The following SLC43A3 variants were observed in gnomAD, a reference collection of about 807,000 sequenced individuals.
The protein encoded by SLC43A3 is solute carrier family 43 member 3.
Under a neutral mutation model 53.3 loss-of-function variants are expected in SLC43A3, and 33 were observed. The observed-to-expected ratio is 0.62, with a 90% CI of 0.47 to 0.83. The LOEUF (loss-of-function observed/expected upper bound fraction) is 0.83. Among genes scored for constraint, SLC43A3 ranks in the 40% least tolerant of loss-of-function variants. SLC43A3 has a pLI of 0.00. For synonymous variants in SLC43A3, 236 were observed against 246.2 expected, an observed-to-expected ratio of 0.96 and a Z score of 0.39; for missense variants, 530 against 610.0, an observed-to-expected ratio of 0.87 and a Z score of 1.38.
In SLC43A3 at chr11:57,416,633, C is replaced by T; in HGVS notation, c.709G>A (p.Glu237Lys). 1 of 1,614,140 alleles carries T rather than the reference C, an allele frequency of 6.2e-7. No individual in the cohort carries two copies. Among genetic ancestry groups the T allele is most frequent in the East Asian group, 2.2e-5 (1 of 44,868 alleles). Reference sequence around the variant, plus strand: ...TCCCTGTTTTCATGCTCAGCTGTTTCCTTCTCTTCCTTTGTGGTGCCATTC... The same window carrying T: ...TCCCTGTTTTCATGCTCAGCTGTTTTCTTCTCTTCCTTTGTGGTGCCATTC... ...PGNGTTKEEK[E>K]TAEHENRELQ... is the part of the protein sequence containing the mutation. The change falls in exon 9 of 14, where the codon GAA (glutamate) becomes AAA (lysine). Residue 237 changes from glutamate to lysine, a missense_variant. Glu to Lys is a moderately conservative substitution (Grantham distance 56). Transcript: ENST00000395124.
intron 12 of SLC43A3, 62 bp from the exon 13 acceptor site, chr11:57,409,360 C>T: frequency 6.2e-7 from 1 of 1,601,104 alleles, no homozygotes; most frequent in Non-Finnish European, 8.5e-7. Flanking sequence ...AAGCAGAAGC[C>T]TGGCCTCTGG....
chr11:57,419,148 A>G (rs1590699880), intron 7 of SLC43A3, among the ~76,000 whole-genome samples: 1 of 152,048 alleles, frequency 6.6e-6, no homozygotes, highest in Admixed American at 6.5e-5. Flanking sequence ...GTGGCTCCCC[A>G]GAGATCTTCT....
At chr11:57,422,960 C>A (rs539658679) in intron 5 of SLC43A3, among the ~76,000 whole-genome samples, 1 of 152,324 alleles carries the variant, frequency 6.6e-6, no homozygotes, top group East Asian at 1.9e-4. Context: ...TTTAGCATAG[C>A]TTACACACAC....
intron 5 of SLC43A3, among the ~76,000 whole-genome samples, chr11:57,422,536 C>T (rs1177059193): frequency 1.3e-5 from 2 of 152,330 alleles, no homozygotes; most frequent in African/African-American, 4.8e-5. Context: ...CCTTAAGAAG[C>T]ACTGCCAAGA....
intron 7 of SLC43A3, among the ~76,000 whole-genome samples, chr11:57,419,074 G>C (rs1311619931): frequency 6.6e-6 from 1 of 151,912 alleles, no homozygotes; most frequent in Non-Finnish European, 1.5e-5. Flanking sequence ...CCCACCCCAA[G>C]ACACACCCGG....
intron 5 of SLC43A3, among the ~76,000 whole-genome samples, chr11:57,421,926 G>C (rs1401937358): frequency 6.6e-6 from 1 of 152,214 alleles, no homozygotes; most frequent in South Asian, 2.1e-4. Flanking sequence ...GCCAGGCATT[G>C]TGCTTGGCAC....
At chr11:57,427,015 C>A in intron 1 of SLC43A3, 47 bp downstream of exon 1, 1 of 152,398 alleles carries the variant, frequency 6.6e-6, no homozygotes, top group Non-Finnish European at 1.5e-5. Flanking sequence ...AGGGGCCAGG[C>A]CGCGCTCGGC....
rs371868005 is a variant in SLC43A3, at chr11:57,410,351, C to G, written c.1061-230G>C. On this transcript the variant is annotated intron_variant, in intron 11 of 13. Coordinates refer to ENST00000395124, the MANE Select transcript of SLC43A3 (RefSeq NM_199329.3). ...TTCAAATGTGCCCACTTCTCTCCAACCCCACTGACTCATCCTAGCTTTAAA... is the reference window on the plus strand; with the variant it reads ...TTCAAATGTGCCCACTTCTCTCCAAGCCCACTGACTCATCCTAGCTTTAAA... Among the ~76,000 whole-genome samples, 24 of 152,280 alleles carry G rather than the reference C, an allele frequency of 1.6e-4. No individual in the cohort carries two copies. The South Asian group carries it at 3.1e-3, about 20-fold the overall frequency.
At chr11:57,419,232 T>C (rs1163169019) in intron 7 of SLC43A3, among the ~76,000 whole-genome samples, 1 of 152,180 alleles carries the variant, frequency 6.6e-6, no homozygotes, top group Non-Finnish European at 1.5e-5. Flanking sequence ...AAAATTCATC[T>C]TACAAAACAC....
At chr11:57,423,914 C>T (rs1943093958) in intron 5 of SLC43A3, 68 bp downstream of exon 5, 2 of 1,442,752 alleles carry the variant, frequency 1.4e-6, no homozygotes, top group Non-Finnish European at 9.8e-7. Flanking sequence ...TAGCCCTCTG[C>T]TCACACCTGC....
chr11:57,410,006 G>T lies in SLC43A3; in HGVS notation c.1176C>A (p.Tyr392Ter), dbSNP rs758408697. 2.5e-6 allele frequency: 4 copies of T among 1,613,344 alleles called. No homozygotes were observed. The highest frequency in any genetic ancestry group is 2.5e-6 in the Non-Finnish European group (3 of 1,179,804). Reference protein sequence around the residue: ...CASVPILPLQYLTFILQVISR... With the variant: ...CASVPILPLQ ...TGATCACTTGCAGGATGAAGGTGAG[G>T]TACTGGAGAGGGAGGATGGGGACTG... Residue 392 changes from tyrosine (Y) to a stop codon, truncating the protein, a stop_gained, in exon 12 of 14, where the codon TAC becomes TAA. Transcript: ENST00000395124. LOFTEE classifies it high-confidence loss of function.
At chr11:57,419,678 C>T (rs1278687779) in intron 7 of SLC43A3, among the ~76,000 whole-genome samples, 2 of 152,028 alleles carry the variant, frequency 1.3e-5, no homozygotes, top group African/African-American at 4.8e-5. Context: ...CGCCTATAGT[C>T]CCAGCTACTC....
chr11:57,417,399 C>T (rs76483586), intron 8 of SLC43A3, among the ~76,000 whole-genome samples: 93 of 152,306 alleles, frequency 6.1e-4, no homozygotes, highest in African/African-American at 2.0e-3. Context: ...ATGACAGCCA[C>T]GTGACCCAGG....
In SLC43A3 at chr11:57,410,000, G is replaced by T; in HGVS notation, c.1182C>A (p.Thr394=). 6.2e-7 allele frequency: 1 copy of T among 1,613,348 alleles called. No homozygotes were observed. The highest frequency in any genetic ancestry group is 8.5e-7 in the Non-Finnish European group (1 of 1,179,806). The change falls in exon 12 of 14, where the codon ACC becomes ACA. Residue 394 remains threonine, a synonymous_variant. Coordinates refer to ENST00000395124, the MANE Select transcript of SLC43A3 (RefSeq NM_199329.3). ...SVPILPLQYL[T]FILQVISRSF... is the part of the protein sequence containing the mutation. ...AGCGGCTGATCACTTGCAGGATGAAGGTGAGGTACTGGAGAGGGAGGATGG... is the reference window on the plus strand; with the variant it reads ...AGCGGCTGATCACTTGCAGGATGAATGTGAGGTACTGGAGAGGGAGGATGG...
rs532779282 is a variant in SLC43A3 at position 57,419,496 on chromosome 11, C to T, written c.531+1476G>A. ...GTTCCTGCTCCCTTTCCCCTTCCAA[C>T]TCTAGAGAGACAGGAGAGAGGCTGG... On this transcript the variant is annotated intron_variant, in intron 7 of 13. Coordinates refer to ENST00000395124, the MANE Select transcript of SLC43A3 (RefSeq NM_199329.3). Among the ~76,000 whole-genome samples, 7 of 152,224 alleles carry T rather than the reference C, an allele frequency of 4.6e-5. No homozygotes were observed. In the South Asian group the frequency reaches 1.5e-3, roughly 32 times the overall value.
rs1297462083 is a variant in SLC43A3 at position 57,407,584 on chromosome 11, G to T, written c.*208C>A. On this transcript the variant is annotated 3_prime_UTR_variant, in exon 14 of 14. Coordinates refer to ENST00000395124, the MANE Select transcript of SLC43A3 (RefSeq NM_199329.3). ...AAATAAAGAAGTTCCACATGCCTTT[G>T]CTTTGAGTCTGTGTGATATCAATCT... The T allele has an allele frequency of 3.8e-6, 2 of 530,820 alleles. No individual in the cohort carries two copies. The highest frequency in any genetic ancestry group is 6.9e-5 in the Admixed American group (2 of 28,948). 32.9% of individuals were successfully genotyped at this position (530,820 alleles called of 1,614,324 possible).
At chr11:57,420,869 G>T in intron 7 of SLC43A3, 103 bp downstream of exon 7, 1 of 797,972 alleles carries the variant, frequency 1.3e-6, no homozygotes, top group Non-Finnish European at 2.2e-6. Context: ...GGGTAACACA[G>T]TACCTACCTC....
chr11:57,423,202 G>A (rs1258866522), intron 5 of SLC43A3, among the ~76,000 whole-genome samples: 1 of 152,206 alleles, frequency 6.6e-6, no homozygotes, highest in African/African-American at 2.4e-5. Context: ...TGTGTAATGG[G>A]TGGAAGGGTG....
At chr11:57,414,411 GCAGGAGAATCTCTTGAACC>G (rs1942619288) in intron 11 of SLC43A3, among the ~76,000 whole-genome samples, 185 bp downstream of exon 11, 1 of 150,864 alleles carries the variant, frequency 6.6e-6, no homozygotes, top group South Asian at 2.1e-4. Flanking sequence ...GGAGGCTGAG[GCAGGAGAATCTCTTGAACC>G]CAGGAGGTGC....
Sources: allele counts gnomAD v4.1 joint callset (sites outside exome capture counted in the v4.1 genomes callset), GRCh38; gene constraint gnomAD v4.1.1; transcripts MANE v1.5; gene names NCBI Gene and HGNC (gene_info 2026-07-23, HGNC 2026-07-21).